The following TECPR1 variants were observed in gnomAD, a reference collection of about 807,000 sequenced individuals.
TECPR1 encodes tectonin beta-propeller repeat-containing protein 1.
Under a neutral mutation model 162.4 loss-of-function variants are expected in TECPR1, and 122 were observed. That is an observed-to-expected ratio of 0.75 (90% CI 0.65 to 0.87). The LOEUF is 0.87. Ranked by LOEUF, TECPR1 falls within the 40% of genes least tolerant of loss-of-function variation. The pLI is 0.00. For missense variants in TECPR1, 1,432 were observed against 1,618.2 expected (o/e 0.88, Z 1.97); for synonymous variants, 642 against 670.6 (o/e 0.96, Z 0.66).
At chr7:98,225,230 C>T (rs1258813348) in intron 17 of TECPR1, 128 bp from the exon 18 acceptor site, 5 of 852,880 alleles carry the variant, frequency 5.9e-6, no homozygotes, top group East Asian at 2.7e-5. Flanking sequence ...TCCAGGCACT[C>T]GCACTCCTAA....
At chr7:98,227,083 A>G (rs1798295218) in intron 17 of TECPR1, among the ~76,000 whole-genome samples, 1 of 152,122 alleles carries the variant, frequency 6.6e-6, no homozygotes, top group Admixed American at 6.6e-5. Flanking sequence ...CTAATAAAAG[A>G]TGTCAAAGCT....
rs1562942996 is a variant in TECPR1 at position 98,241,320 on chromosome 7, A to G, written c.658-76T>C. On this transcript the variant is annotated intron_variant, in intron 6 of 25. Coordinates refer to ENST00000447648, the MANE Select transcript of TECPR1 (RefSeq NM_015395.3). This position sits in a 1 kb window ranked among gnomAD's most constrained non-coding sequence, Gnocchi z 5.0. ...CCAAGCACGGGGGTCTCGGTGTGGT[A>G]GGGGGTAGGACCCATGTCCCCTGAC... 2 of 1,563,158 alleles carry G rather than the reference A, an allele frequency of 1.3e-6. No homozygotes were observed. Among genetic ancestry groups the G allele is most frequent in the Admixed American group, 1.7e-5 (1 of 58,458 alleles).
At chr7:98,223,754 C>G in intron 19 of TECPR1, 36 bp from the exon 20 acceptor site, 12 of 1,611,436 alleles carry the variant, frequency 7.4e-6, no homozygotes, top group Non-Finnish European at 9.3e-6. Flanking sequence ...AGGGCCACTT[C>G]GTGGAAGTTT....
intron 17 of TECPR1, chr7:98,226,662 T>C: frequency 1.8e-6 from 2 of 1,131,414 alleles, no homozygotes; most frequent in South Asian, 3.7e-5. Flanking sequence ...GCGCAGTGGC[T>C]CTCGCCTGAT....
chr7:98,245,913 G>A lies in TECPR1; in HGVS notation c.225+9C>T, dbSNP rs1293408650. ...CCCGCTCGGCAACTCCAACCATGAG[G>A]GTCACTACCTGATTCTCATAGGCCT... On this transcript the variant is annotated intron_variant, in intron 3 of 25. Transcript: ENST00000447648. The A allele has an allele frequency of 6.3e-7, 1 of 1,587,584 alleles. No homozygotes were observed. The highest frequency in any genetic ancestry group is 8.6e-7 in the Non-Finnish European group (1 of 1,167,500).
chr7:98,222,944 G>T, intron 21 of TECPR1, 46 bp downstream of exon 21: 1 of 1,600,042 alleles, frequency 6.2e-7, no homozygotes, highest in Middle Eastern at 1.7e-4. Flanking sequence ...GGACTCCAGA[G>T]CAAAGGTCTC....
chr7:98,232,894 T>G lies in TECPR1; in HGVS notation c.1751A>C (p.Gln584Pro). Reference protein sequence around the residue: ...QTAAWRKQIFQQLTERTKREL... With the variant: ...QTAAWRKQIFPQLTERTKREL... ...CCGCTTGGTCCTTTCCGTGAGCTGC[T>G]GGAAGATCTGCTTCCTCCAGGCAGC... Residue 584 changes from glutamine to proline, a missense_variant, in exon 12 of 26, where the codon CAG (glutamine) becomes CCG (proline). Coordinates refer to ENST00000447648, the MANE Select transcript of TECPR1 (RefSeq NM_015395.3). The surrounding 1 kb of genome is among the most constrained non-coding windows in gnomAD (Gnocchi z 4.6). 2.5e-6 allele frequency: 4 copies of G among 1,612,922 alleles called. No individual in the cohort carries two copies. Among genetic ancestry groups the G allele is most frequent in the Non-Finnish European group, 3.4e-6 (4 of 1,179,788 alleles).
intron 2 of TECPR1, among the ~76,000 whole-genome samples, chr7:98,248,111 A>T (rs1798958324): frequency 6.6e-6 from 1 of 152,172 alleles, no homozygotes; most frequent in African/African-American, 2.4e-5. Context: ...CCCCACCTCC[A>T]GGGCCCATAG....
chr7:98,226,715 C>CG (rs1562935239), intron 17 of TECPR1: 1 of 1,184,474 alleles, frequency 8.4e-7, no homozygotes, highest in Non-Finnish European at 1.1e-6. Context: ...AGGCGGGCTT[C>CG]GGGAGTTCAG....
intron 6 of TECPR1, 116 bp downstream of exon 6, chr7:98,243,351 C>T (rs915238754): frequency 2.9e-6 from 4 of 1,372,558 alleles, no homozygotes; most frequent in African/African-American, 3.1e-5. Flanking sequence ...CAGGAGCAGG[C>T]ATGGGGTGGG....
intron 22 of TECPR1, 123 bp from the exon 23 acceptor site, chr7:98,221,876 A>G: frequency 1.4e-6 from 1 of 712,230 alleles, no homozygotes; most frequent in Non-Finnish European, 2.4e-6. Context: ...TGTGTGCCAC[A>G]CAGAGCTGAC....
At chr7:98,244,843 C>T (rs758873975) in intron 4 of TECPR1, 42 bp downstream of exon 4, 1 of 1,607,654 alleles carries the variant, frequency 6.2e-7, no homozygotes, top group South Asian at 1.1e-5. Flanking sequence ...GGAGGCACCC[C>T]CTCCCCACAG....
At chr7:98,227,821 CAAAAAAA>C (rs61468739) in intron 17 of TECPR1, among the ~76,000 whole-genome samples, 186 bp downstream of exon 17, 1,395 of 102,602 alleles carry the variant, frequency 0.014, 31 homozygotes, top group African/African-American at 0.052. Flanking sequence ...GACCCTGTAT[CAAAAAAA>C]AAAAAAAAAA....
At position 98,232,819 on chromosome 7, in the gene TECPR1, G is replaced by C; in HGVS notation, c.1818+8C>G. 1 of 1,568,998 alleles carries C rather than the reference G, an allele frequency of 6.4e-7. No homozygotes were observed. ...AAAAAATGCATGCGCAGCCACCGGGGCACCCACCTGCTCCACGGCCTGCTC... is the reference window on the plus strand; with the variant it reads ...AAAAAATGCATGCGCAGCCACCGGGCCACCCACCTGCTCCACGGCCTGCTC... On this transcript the variant is annotated splice_region_variant and intron_variant, in intron 12 of 25. Coordinates refer to ENST00000447648, the MANE Select transcript of TECPR1 (RefSeq NM_015395.3). The surrounding 1 kb of genome is among the most constrained non-coding windows in gnomAD (Gnocchi z 4.6).
intron 23 of TECPR1, among the ~76,000 whole-genome samples, chr7:98,221,323 A>G (rs1365823351): frequency 6.6e-6 from 1 of 152,080 alleles, no homozygotes; most frequent in Non-Finnish European, 1.5e-5. Flanking sequence ...TAATAACAAT[A>G]ATAACTAAAA....
chr7:98,219,064 G>C (rs916780106), intron 23 of TECPR1, among the ~76,000 whole-genome samples: 1 of 152,140 alleles, frequency 6.6e-6, no homozygotes, highest in East Asian at 1.9e-4. Flanking sequence ...GAACAGAAGA[G>C]AGAACCAAGA....
In TECPR1 at chr7:98,223,146, C is replaced by T. The variant is rs1318222671; in HGVS notation, c.2772G>A (p.Gly924=). 4 of 1,603,600 alleles carry T rather than the reference C, an allele frequency of 2.5e-6. No individual in the cohort carries two copies. In the South Asian group the frequency reaches 4.5e-5, roughly 18 times the overall value. The part of the protein sequence containing the change: ...WARKCKLVTS[G]PWLEVPPIAL... ...CGATGGGGGGCACCTCCAGCCAGGGCCCACTGGTCACCAGCTTGCATTTTC... is the reference window on the plus strand; with the variant it reads ...CGATGGGGGGCACCTCCAGCCAGGGTCCACTGGTCACCAGCTTGCATTTTC... The change falls in exon 21 of 26, where the codon GGG becomes GGA. Residue 924 remains glycine, a synonymous_variant. Coordinates refer to ENST00000447648, the MANE Select transcript of TECPR1 (RefSeq NM_015395.3).
chr7:98,240,918 G>T lies in TECPR1; in HGVS notation c.866C>A (p.Ser289Tyr). The change falls in exon 8 of 26, where the codon TCT becomes TAT. Residue 289 changes from serine to tyrosine, a missense_variant. Transcript: ENST00000447648. ...CGAGATGTGCATGACCCCGTTTTCA[G>T]ATCCAGGAGGCTCCACGATGGACCA... is the stretch of plus-strand genomic sequence containing the variant. ...SSWSIVEPPG[S>Y]ENGVMHISVG... 2 of 1,609,378 alleles carry T rather than the reference G, an allele frequency of 1.2e-6. No individual in the cohort carries two copies. Among genetic ancestry groups the T allele is most frequent in the South Asian group, 2.2e-5 (2 of 89,742 alleles).
In TECPR1 at chr7:98,217,383, G is replaced by C. The variant is rs767354675; in HGVS notation, c.*7C>G. 1.3e-6 allele frequency: 2 copies of C among 1,537,152 alleles called. No homozygotes were observed. The highest frequency in any genetic ancestry group is 8.9e-7 in the Non-Finnish European group (1 of 1,129,850). On this transcript the variant is annotated 3_prime_UTR_variant, in exon 26 of 26. Coordinates refer to ENST00000447648, the MANE Select transcript of TECPR1 (RefSeq NM_015395.3). ...ACCGTCCCTGCATGTAGGTGTGTGG[G>C]GGGGCCTCAGCAGCAGACGGGGCCA...
Sources: allele counts gnomAD v4.1 joint callset (sites outside exome capture counted in the v4.1 genomes callset), GRCh38; gene constraint gnomAD v4.1.1; non-coding constraint Gnocchi (gnomAD v3.1); transcripts MANE v1.5; gene names NCBI Gene and HGNC (gene_info 2026-07-23, HGNC 2026-07-21).